Variants in BLK observed in about 807,000 individuals in gnomAD.
The protein encoded by BLK is tyrosine-protein kinase Blk.
In BLK, 64 loss-of-function variants were observed where a neutral mutation model predicts 61.8. The observed-to-expected ratio is 1.03, with a 90% CI of 0.85 to 1.27. The LOEUF (loss-of-function observed/expected upper bound fraction) is 1.27. Among genes scored for constraint, BLK ranks in the 50% most tolerant of loss-of-function variants. The pLI is 0.00. For missense variants in BLK, 853 were observed against 660.5 expected (o/e 1.29, Z -3.19); for synonymous variants, 351 against 272.0 (o/e 1.29, Z -2.86).
intron 2 of BLK, 38 bp from the exon 3 acceptor site, chr8:11,546,014 G>C: frequency 6.2e-7 from 1 of 1,609,992 alleles, no homozygotes; most frequent in Admixed American, 1.7e-5. Context: ...CCACGCAGCA[G>C]GGACTGAAAT....
chr8:11,545,212 T>C (rs1334045849), intron 2 of BLK, among the ~76,000 whole-genome samples: 1 of 152,188 alleles, frequency 6.6e-6, no homozygotes, highest in Non-Finnish European at 1.5e-5. Context: ...TACTGTAATT[T>C]GTTTATTCTT....
chr8:11,550,554 G>A (rs552423418), intron 6 of BLK, among the ~76,000 whole-genome samples: 2 of 152,376 alleles, frequency 1.3e-5, no homozygotes, highest in South Asian at 4.1e-4. Context: ...GAGGCCAGTG[G>A]GGGCCAGGGA....
chr8:11,553,611 A>G (rs1444082749), intron 6 of BLK: 1 of 210,960 alleles, frequency 4.7e-6, no homozygotes, highest in Non-Finnish European at 9.8e-6. Flanking sequence ...CCCTTGATGA[A>G]TGAACTCCCT....
intron 5 of BLK, among the ~76,000 whole-genome samples, chr8:11,549,792 A>T (rs1800818206): frequency 6.6e-6 from 1 of 152,226 alleles, no homozygotes; most frequent in South Asian, 2.1e-4. Context: ...GAGTCTCGGC[A>T]GTTTGCCTAA....
At chr8:11,502,452 C>T (rs1025979940) in intron 1 of BLK, among the ~76,000 whole-genome samples, 1 of 151,976 alleles carries the variant, frequency 6.6e-6, no homozygotes, top group African/African-American at 2.4e-5. Context: ...TACAGGCACC[C>T]GCCACCATGC....
chr8:11,561,902 T>C (rs1015188947), intron 11 of BLK, among the ~76,000 whole-genome samples: 1 of 151,656 alleles, frequency 6.6e-6, no homozygotes, highest in Non-Finnish European at 1.5e-5. Flanking sequence ...CACTGCAACC[T>C]CCGCCTCCTG....
intron 1 of BLK, among the ~76,000 whole-genome samples, chr8:11,541,606 T>C (rs1355135590): frequency 6.6e-6 from 1 of 152,080 alleles, no homozygotes; most frequent in Non-Finnish European, 1.5e-5. Context: ...CAAGTGATTC[T>C]TTTGCCTCAG....
At chr8:11,524,733 GT>G (rs1334027163) in intron 1 of BLK, among the ~76,000 whole-genome samples, 1 of 152,172 alleles carries the variant, frequency 6.6e-6, no homozygotes, top group African/African-American at 2.4e-5. Flanking sequence ...AACAGCTGGG[GT>G]GTGCGGCAGA....
At chr8:11,547,008 G>A (rs1427251373) in intron 3 of BLK, among the ~76,000 whole-genome samples, 1 of 152,218 alleles carries the variant, frequency 6.6e-6, no homozygotes, top group Non-Finnish European at 1.5e-5. Context: ...ACTTCCCGCA[G>A]CCTCCTCATC....
Position 11,556,667 on chromosome 8 carries a change from A to C in BLK, c.782A>C (p.Lys261Thr). 1 of 1,614,144 alleles carries C rather than the reference A, an allele frequency of 6.2e-7. No individual in the cohort carries two copies. Among genetic ancestry groups the C allele is most frequent in the Non-Finnish European group, 8.5e-7 (1 of 1,180,018 alleles). The change falls in exon 9 of 13, where the codon AAA becomes ACA. Residue 261 changes from lysine to threonine, a missense_variant. Physicochemically the swap from Lys to Thr is moderately conservative, Grantham distance 78. Coordinates refer to ENST00000259089, the MANE Select transcript of BLK (RefSeq NM_001715.3). ...ACTCCCCCGGGCTCAGGTTACTACA[A>C]AAACAACATGAAGGTGGCCATTAAG... ...QFGEVWMGYY[K>T]NNMKVAIKTL...
chr8:11,542,583 C>G (rs1188418980), intron 1 of BLK, among the ~76,000 whole-genome samples: 2 of 152,160 alleles, frequency 1.3e-5, no homozygotes, highest in African/African-American at 4.8e-5. Context: ...AAGGGCCTGT[C>G]CCACATCTGC....
At chr8:11,530,875 T>C (rs1370468519) in intron 1 of BLK, among the ~76,000 whole-genome samples, 1 of 152,260 alleles carries the variant, frequency 6.6e-6, no homozygotes, top group Non-Finnish European at 1.5e-5. Context: ...TTCTCTTTGA[T>C]AAGCAACAAG....
chr8:11,518,377 C>T (rs560210603), intron 1 of BLK, among the ~76,000 whole-genome samples: 10 of 152,190 alleles, frequency 6.6e-5, no homozygotes, highest in South Asian at 2.1e-4. Context: ...TGTAGATGCC[C>T]GCTAGATACT....
At position 11,556,838 on chromosome 8, in the gene BLK, G is replaced by A; in HGVS notation, c.952+1G>A. The A allele has an allele frequency of 2.5e-6, 4 of 1,613,868 alleles. No homozygotes were observed. Among genetic ancestry groups the A allele is most frequent in the Non-Finnish European group, 3.4e-6 (4 of 1,179,858 alleles). On this transcript the variant is annotated splice_donor_variant, in intron 9 of 12. Transcript: ENST00000259089. LOFTEE classifies it high-confidence loss of function. ...ATTGTCACCGAGTACATGGCCAGAG[G>A]TGGTGCCCCCCGCAGAGCCGCATCC...
intron 2 of BLK, among the ~76,000 whole-genome samples, chr8:11,543,663 A>G (rs2117451367): frequency 6.6e-6 from 1 of 152,302 alleles, no homozygotes; most frequent in Non-Finnish European, 1.5e-5. Context: ...TCTTCTCCCC[A>G]GCAGCTCCTG....
At chr8:11,543,105 C>T (rs1800460658) in intron 1 of BLK, 119 bp from the exon 2 acceptor site, 4 of 1,515,560 alleles carry the variant, frequency 2.6e-6, no homozygotes, top group East Asian at 2.3e-5. Flanking sequence ...GTCTTTGCTG[C>T]ACCCACTTCC....
intron 12 of BLK, 45 bp downstream of exon 12, chr8:11,563,155 C>A: frequency 1.2e-6 from 2 of 1,612,362 alleles, no homozygotes; most frequent in African/African-American, 1.3e-5. Context: ...CTTTCCCGGC[C>A]GGCCCTGATG....
At chr8:11,531,685 C>A (rs1039179416) in intron 1 of BLK, among the ~76,000 whole-genome samples, 1 of 152,092 alleles carries the variant, frequency 6.6e-6, no homozygotes, top group Non-Finnish European at 1.5e-5. Context: ...AGCCCAGTTA[C>A]GTGTCTTCTG....
At chr8:11,512,392 C>A (rs1585334105) in intron 1 of BLK, among the ~76,000 whole-genome samples, 1 of 152,174 alleles carries the variant, frequency 6.6e-6, no homozygotes, top group African/African-American at 2.4e-5. Context: ...TAAACCCCAC[C>A]CTGAAATCAC....
Sources: gnomAD v4.1 joint callset for allele counts (sites outside exome capture counted in the v4.1 genomes callset) on GRCh38, gnomAD v4.1.1 for gene constraint, MANE v1.5 for transcripts, NCBI Gene and HGNC (gene_info 2026-07-23, HGNC 2026-07-21) for gene names.